Variants in PXDNL observed in about 807,000 individuals in gnomAD.
PXDNL encodes the protein probable oxidoreductase PXDNL.
In PXDNL, 145 loss-of-function variants were observed where a neutral mutation model predicts 150.8. The ratio of observed to expected loss-of-function variants is 0.96; its 90% CI spans 0.84 to 1.10. The LOEUF is 1.10. Among genes scored for constraint, PXDNL ranks in the 50% least tolerant of loss-of-function variants. The pLI is 0.00. For synonymous variants in PXDNL, 757 were observed against 725.7 expected, an observed-to-expected ratio of 1.04 and a Z score of -0.69; for missense variants, 2,087 against 1,873.9, an observed-to-expected ratio of 1.11 and a Z score of -2.10.
chr8:51,585,321 A>C (rs1213708324), intron 3 of PXDNL, among the ~76,000 whole-genome samples: 1 of 152,184 alleles, frequency 6.6e-6, no homozygotes, highest in Non-Finnish European at 1.5e-5. Flanking sequence ...GAGCATCTAC[A>C]TAATGACTGA....
chr8:51,409,376 C>G lies in PXDNL; in HGVS notation c.2248G>C (p.Ala750Pro), dbSNP rs771625098. 2.5e-6 allele frequency: 4 copies of G among 1,579,876 alleles called. No homozygotes were observed. Among genetic ancestry groups the G allele is most frequent in the Admixed American group, 3.7e-5 (2 of 54,298 alleles). The stretch of plus-strand genomic sequence containing the variant: ...CGGTAGGCTGGCTGCAGCAGGCGCG[C>G]GAAGGCGGTCAGCGCCGCGCCCCAC... ...PTWGAALTAF[A>P]RLLQPAYRDG... The change falls in exon 17 of 23, where the codon GCG (alanine) becomes CCG (proline). Residue 750 changes from alanine to proline, a missense_variant. By Grantham distance (27) the Ala-to-Pro change is conservative (BLOSUM62 -1). Coordinates refer to ENST00000356297, the MANE Select transcript of PXDNL (RefSeq NM_144651.5).
intron 19 of PXDNL, among the ~76,000 whole-genome samples, chr8:51,346,860 T>C (rs532971032): frequency 6.6e-6 from 1 of 152,318 alleles, no homozygotes; most frequent in South Asian, 2.1e-4. Context: ...TGTGAGCCCA[T>C]TCAACTGCTT....
intron 12 of PXDNL, among the ~76,000 whole-genome samples, chr8:51,443,157 T>C (rs1809592995): frequency 6.6e-6 from 1 of 152,190 alleles, no homozygotes; most frequent in Non-Finnish European, 1.5e-5. Flanking sequence ...TAAATTTTCA[T>C]TAGTTACATT....
intron 4 of PXDNL, among the ~76,000 whole-genome samples, chr8:51,550,058 G>A (rs1405465466): frequency 3.3e-5 from 5 of 151,976 alleles, no homozygotes; most frequent in African/African-American, 9.7e-5. Flanking sequence ...GAGCACATTC[G>A]TGTGCATAGA....
At chr8:51,784,000 T>C (rs1371813727) in intron 1 of PXDNL, among the ~76,000 whole-genome samples, 1 of 67,134 alleles carries the variant, frequency 1.5e-5, no homozygotes, top group Non-Finnish European at 7.7e-5. Flanking sequence ...AATATTTTCT[T>C]TCCCCCAAAA....
At chr8:51,622,664 T>C (rs1814281515) in intron 2 of PXDNL, among the ~76,000 whole-genome samples, 1 of 152,168 alleles carries the variant, frequency 6.6e-6, no homozygotes, top group Non-Finnish European at 1.5e-5. Flanking sequence ...ATGCTCTGGA[T>C]AAGGACGTAA....
Position 51,364,347 on chromosome 8 carries a change from C to A in PXDNL, c.3901+7526G>T, listed in dbSNP as rs555197039. Reference sequence around the variant, plus strand: ...CAACTCAGAAGGTCCCCTCCACACTCTTACTGTATTCCCACTGGAAACCTT... The same window carrying A: ...CAACTCAGAAGGTCCCCTCCACACTATTACTGTATTCCCACTGGAAACCTT... On this transcript the variant is annotated intron_variant, in intron 19 of 22. Coordinates refer to ENST00000356297, the MANE Select transcript of PXDNL (RefSeq NM_144651.5). Among the ~76,000 whole-genome samples the A allele has an allele frequency of 1.4e-4, 21 of 152,314 alleles. 2 individuals are homozygous for A. In the South Asian group the frequency reaches 4.4e-3, roughly 32 times the overall value.
intron 2 of PXDNL, among the ~76,000 whole-genome samples, chr8:51,650,704 T>C (rs1815016313): frequency 2.0e-5 from 3 of 152,226 alleles, no homozygotes; most frequent in South Asian, 2.1e-4. Context: ...TTTGTGGAGA[T>C]AAATTAGTCT....
chr8:51,738,294 T>A lies in PXDNL; in HGVS notation c.164+70887A>T, dbSNP rs149622547. ...CTCTGCCCCTGATAGCCAGCCCTGC[T>A]CTCCAGGCTCAGCTCACCTTTGCTC... On this transcript the variant is annotated intron_variant, in intron 1 of 22. Transcript: ENST00000356297. Among the ~76,000 whole-genome samples, 186 of 152,324 alleles carry A rather than the reference T, an allele frequency of 1.2e-3. No individual in the cohort carries two copies. In the Middle Eastern group the frequency reaches 0.027, roughly 22 times the overall value.
chr8:51,586,716 C>T (rs865950561), intron 3 of PXDNL, among the ~76,000 whole-genome samples: 2 of 152,102 alleles, frequency 1.3e-5, no homozygotes, highest in East Asian at 1.9e-4. Context: ...ATGGAAAATG[C>T]CAATGCTAAG....
chr8:51,570,815 C>A (rs187282527), intron 3 of PXDNL, among the ~76,000 whole-genome samples: 3,658 of 151,740 alleles, frequency 0.024, 153 homozygotes, highest in African/African-American at 0.083. Flanking sequence ...GAGAAATATA[C>A]ACAAAATTCT....
At chr8:51,533,661 T>C (rs909921134) in intron 4 of PXDNL, among the ~76,000 whole-genome samples, 2 of 150,770 alleles carry the variant, frequency 1.3e-5, no homozygotes, top group African/African-American at 2.5e-5. Context: ...TTTTCGTTTT[T>C]TTTTTGGTGG....
chr8:51,723,617 C>A (rs2130920679), intron 1 of PXDNL, among the ~76,000 whole-genome samples: 1 of 152,274 alleles, frequency 6.6e-6, no homozygotes, highest in Middle Eastern at 3.4e-3. Flanking sequence ...TGGGAGGGCT[C>A]CACTGTGACA....
intron 6 of PXDNL, among the ~76,000 whole-genome samples, chr8:51,475,404 A>G (rs1052977681): frequency 2.1e-5 from 3 of 144,320 alleles, no homozygotes; most frequent in Non-Finnish European, 4.5e-5. Context: ...AATGTGCACT[A>G]TGTCTATTAT....
chr8:51,758,495 C>T (rs2037126957), intron 1 of PXDNL, among the ~76,000 whole-genome samples: 1 of 152,110 alleles, frequency 6.6e-6, no homozygotes, highest in Non-Finnish European at 1.5e-5. Flanking sequence ...GCTTTGTGTC[C>T]CACCCAAATC....
intron 12 of PXDNL, among the ~76,000 whole-genome samples, chr8:51,438,347 C>T (rs770510489): frequency 2.6e-5 from 4 of 152,096 alleles, no homozygotes; most frequent in Non-Finnish European, 4.4e-5. Flanking sequence ...AAAAAGCCCA[C>T]ATAACCAAAG....
intron 4 of PXDNL, among the ~76,000 whole-genome samples, chr8:51,512,138 C>T (rs558910030): frequency 6.6e-6 from 1 of 152,238 alleles, no homozygotes; most frequent in South Asian, 2.1e-4. Context: ...CACCTACTGA[C>T]ATTTTGAAAA....
chr8:51,361,879 T>C (rs1806748008), intron 19 of PXDNL, among the ~76,000 whole-genome samples: 1 of 126,874 alleles, frequency 7.9e-6, no homozygotes, highest in South Asian at 2.6e-4. Flanking sequence ...GGAGAATTAC[T>C]TGAACCGCAG....
intron 1 of PXDNL, among the ~76,000 whole-genome samples, chr8:51,754,511 CT>C (rs34658512): frequency 3.3e-5 from 5 of 149,600 alleles, no homozygotes; most frequent in East Asian, 2.0e-4. Flanking sequence ...CAAGTCATTT[CT>C]TTTTTTTTTG....
Sources: allele counts gnomAD v4.1 joint callset (sites outside exome capture counted in the v4.1 genomes callset), GRCh38; gene constraint gnomAD v4.1.1; transcripts MANE v1.5; gene names NCBI Gene and HGNC (gene_info 2026-07-23, HGNC 2026-07-21).